VTA1: variants seen among roughly 807,000 people sequenced by gnomAD.
The protein encoded by VTA1 is vacuolar protein sorting-associated protein VTA1 homolog.
VTA1 carries 24 observed loss-of-function variants against 36.9 expected under a neutral mutation model. That is an observed-to-expected ratio of 0.65 (90% CI 0.47 to 0.91). The LOEUF is 0.91. VTA1 is among the 40% of genes least tolerant of loss of function. The pLI, the probability that VTA1 is intolerant of heterozygous loss-of-function variation, is 0.00. For missense variants in VTA1, 393 were observed against 377.2 expected (o/e 1.04, Z -0.35); for synonymous variants, 142 against 130.2 (o/e 1.09, Z -0.62).
intron 5 of VTA1, among the ~76,000 whole-genome samples, chr6:142,193,639 G>T (rs1282056452): frequency 6.6e-6 from 1 of 151,398 alleles, no homozygotes; most frequent in African/African-American, 2.4e-5. Flanking sequence ...TCTTTATTAT[G>T]ATCCTTTATG....
chr6:142,197,988 T>G (rs927479013), intron 5 of VTA1, among the ~76,000 whole-genome samples: 10 of 149,318 alleles, frequency 6.7e-5, no homozygotes, highest in Admixed American at 4.0e-4. Context: ...TCCCAGCTAC[T>G]CGGGAGGCTG....
Position 142,221,064 on chromosome 6 carries a change from G to A in VTA1, c.*2421G>A, listed in dbSNP as rs566472631. 3 of 152,268 alleles carry A rather than the reference G, an allele frequency of 2.0e-5. No homozygotes were observed. Among genetic ancestry groups the A allele is most frequent in the Admixed American group, 6.5e-5 (1 of 15,292 alleles). 9.4% of individuals were successfully genotyped at this position (152,268 alleles called of 1,614,324 possible). ...CTGAGTTTTAAGAGACACTTAAGGTGGTCCCTAAAGTTCGAGTGGTTTAGC... is the reference window on the plus strand; with the variant it reads ...CTGAGTTTTAAGAGACACTTAAGGTAGTCCCTAAAGTTCGAGTGGTTTAGC... On this transcript the variant is annotated 3_prime_UTR_variant, in exon 8 of 8. Transcript: ENST00000367630.
intron 7 of VTA1, among the ~76,000 whole-genome samples, chr6:142,210,373 T>C (rs1775879359): frequency 1.3e-5 from 2 of 152,154 alleles, no homozygotes; most frequent in Non-Finnish European, 2.9e-5. Context: ...ATGCAAAGAT[T>C]TTTTTGTGTG....
At chr6:142,162,603 TACG>T (rs951234690) in intron 1 of VTA1, among the ~76,000 whole-genome samples, 2 of 152,134 alleles carry the variant, frequency 1.3e-5, no homozygotes, top group Non-Finnish European at 2.9e-5. Context: ...GACTGATAAT[TACG>T]ATATTTGTAA....
At chr6:142,192,427 T>C (rs977602130) in intron 5 of VTA1, among the ~76,000 whole-genome samples, 1 of 152,076 alleles carries the variant, frequency 6.6e-6, no homozygotes, top group Admixed American at 6.6e-5. Context: ...CGTATGTTGA[T>C]GAGCATCTGT....
chr6:142,183,515 T>A (rs572972211), intron 4 of VTA1, among the ~76,000 whole-genome samples: 1 of 152,306 alleles, frequency 6.6e-6, no homozygotes, highest in African/African-American at 2.4e-5. Context: ...AATTCTTAAG[T>A]GGCCAAAATT....
At chr6:142,167,334 T>C (rs987730003) in intron 2 of VTA1, among the ~76,000 whole-genome samples, 4 of 152,198 alleles carry the variant, frequency 2.6e-5, no homozygotes, top group Admixed American at 1.3e-4. Context: ...GTTTCTCTTT[T>C]AACAAAGTCA....
intron 5 of VTA1, among the ~76,000 whole-genome samples, chr6:142,190,245 T>C (rs1209486102): frequency 6.6e-6 from 1 of 152,336 alleles, no homozygotes; most frequent in East Asian, 1.9e-4. Flanking sequence ...ATAAAAAATA[T>C]GAAGTGAATT....
intron 7 of VTA1, among the ~76,000 whole-genome samples, chr6:142,210,964 C>A (rs1246563216): frequency 6.6e-6 from 1 of 152,088 alleles, no homozygotes; most frequent in Non-Finnish European, 1.5e-5. Context: ...GGTGTGTATA[C>A]ACAATGGAAT....
At chr6:142,193,712 T>C (rs1401823402) in intron 5 of VTA1, among the ~76,000 whole-genome samples, 2 of 151,692 alleles carry the variant, frequency 1.3e-5, no homozygotes, top group Non-Finnish European at 2.9e-5. Context: ...TAACATTCTT[T>C]GGTATCTAGT....
intron 2 of VTA1, among the ~76,000 whole-genome samples, chr6:142,167,376 C>G (rs1774936548): frequency 6.6e-6 from 1 of 152,174 alleles, no homozygotes; most frequent in South Asian, 2.1e-4. Context: ...TCCTCCAAGA[C>G]TGTTACATTA....
intron 2 of VTA1, 35 bp downstream of exon 2, chr6:142,166,357 T>G: frequency 6.9e-7 from 1 of 1,445,690 alleles, no homozygotes; most frequent in Non-Finnish European, 9.6e-7. Flanking sequence ...TTTCTGGTTA[T>G]GGTTAAAATA....
chr6:142,186,292 T>C (rs146570694), intron 4 of VTA1, among the ~76,000 whole-genome samples: 365 of 151,360 alleles, frequency 2.4e-3, no homozygotes, highest in Non-Finnish European at 4.2e-3. Context: ...TGAGAAGAGG[T>C]TGGACAATCA....
intron 4 of VTA1, among the ~76,000 whole-genome samples, chr6:142,186,061 A>G (rs79404030): frequency 0.035 from 5,348 of 152,270 alleles, 317 homozygotes; most frequent in African/African-American, 0.12. Context: ...AAAAAGATGT[A>G]AGATTACCGG....
intron 4 of VTA1, among the ~76,000 whole-genome samples, chr6:142,180,582 AATATCTTACCAAATTGCTT>A (rs1245897841): frequency 3.3e-5 from 5 of 152,228 alleles, no homozygotes; most frequent in African/African-American, 1.2e-4. Context: ...CATGTCTCTG[AATATCTTACCAAATTGCTT>A]ATTGATATCA....
At chr6:142,204,873 C>T (rs1482947118) in intron 7 of VTA1, among the ~76,000 whole-genome samples, 2 of 151,918 alleles carry the variant, frequency 1.3e-5, no homozygotes, top group African/African-American at 2.4e-5. Context: ...TACAGGTGTG[C>T]GCCACCACAC....
At chr6:142,164,095 T>TC (rs932656727) in intron 1 of VTA1, among the ~76,000 whole-genome samples, 2 of 152,244 alleles carry the variant, frequency 1.3e-5, no homozygotes, top group African/African-American at 4.8e-5. Flanking sequence ...ATGGAGCTGA[T>TC]CCTACTTTCT....
intron 1 of VTA1, among the ~76,000 whole-genome samples, chr6:142,150,877 A>G (rs566679445): frequency 6.7e-6 from 1 of 150,240 alleles, no homozygotes; most frequent in East Asian, 2.0e-4. Context: ...GTGCCATTGC[A>G]CTCCAGCCTG....
intron 4 of VTA1, 48 bp downstream of exon 4, chr6:142,170,469 T>G (rs779173776): frequency 7.9e-7 from 1 of 1,271,414 alleles, no homozygotes; most frequent in East Asian, 2.5e-5. Flanking sequence ...TCAGTAATGT[T>G]TCTGTTTATC....
Sources: gnomAD v4.1 joint callset for allele counts (sites outside exome capture counted in the v4.1 genomes callset) on GRCh38, gnomAD v4.1.1 for gene constraint, MANE v1.5 for transcripts, NCBI Gene and HGNC (gene_info 2026-07-23, HGNC 2026-07-21) for gene names.